Variants in JAM3 observed in about 807,000 individuals in gnomAD.
JAM3 encodes the protein junctional adhesion molecule 3.
In JAM3, 31 loss-of-function variants were observed where a neutral mutation model predicts 39.4. That is an observed-to-expected ratio of 0.79 (90% CI 0.59 to 1.06). JAM3 has a LOEUF of 1.06. JAM3 is among the 50% of genes least tolerant of loss of function. The pLI is 0.00. For missense variants in JAM3, 455 were observed against 391.4 expected (o/e 1.16, Z -1.37); for synonymous variants, 182 against 148.7 (o/e 1.22, Z -1.63).
At chr11:134,092,072 G>A (rs1420420213) in intron 1 of JAM3, among the ~76,000 whole-genome samples, 1 of 151,994 alleles carries the variant, frequency 6.6e-6, no homozygotes, top group Non-Finnish European at 1.5e-5. Flanking sequence ...GAATTCTTTA[G>A]GGGCTTTCTG....
In JAM3 at chr11:134,119,246, G is replaced by A. The variant is rs531083892; in HGVS notation, c.77-20605G>A. The stretch of plus-strand genomic sequence containing the variant: ...TGGCAAGAAGTCTTTGGTGGTTTGG[G>A]TTTGGAAATGATAGAATCAAATAGA... On this transcript the variant is annotated intron_variant, in intron 1 of 8. Coordinates refer to ENST00000299106, the MANE Select transcript of JAM3 (RefSeq NM_032801.5). Among the ~76,000 whole-genome samples the A allele has an allele frequency of 1.4e-3, 208 of 152,186 alleles. 1 individual carries two copies. The highest frequency in any genetic ancestry group is 1.9e-3 in the Non-Finnish European group (126 of 68,008).
Position 134,149,165 on chromosome 11 carries a change from C to T in JAM3, c.917C>T (p.Ser306Leu), listed in dbSNP as rs1323333252. Residue 306 changes from serine to leucine, a missense_variant, in exon 9 of 9, where the codon TCA becomes TTA. Ser to Leu is a moderately radical substitution (Grantham distance 145). Coordinates refer to ENST00000299106, the MANE Select transcript of JAM3 (RefSeq NM_032801.5). ...TTGCAGGGCGACTTCAGACACAAGT[C>T]ATCGTTTGTGATCTGAGACCCGCGG... is the stretch of plus-strand genomic sequence containing the variant. The part of the protein sequence containing the change: ...TDEEGDFRHK[S>L]SFVI 6 of 1,613,898 alleles carry T rather than the reference C, an allele frequency of 3.7e-6. No individual in the cohort carries two copies. Among genetic ancestry groups the T allele is most frequent in the Non-Finnish European group, 5.1e-6 (6 of 1,179,886 alleles).
intron 1 of JAM3, among the ~76,000 whole-genome samples, chr11:134,120,555 A>G (rs12275818): frequency 2.0e-5 from 3 of 152,244 alleles, no homozygotes; most frequent in South Asian, 4.1e-4. Flanking sequence ...CTGCAGTTAA[A>G]TGTTAGTAGC....
At chr11:134,109,321 A>G (rs887538001) in intron 1 of JAM3, among the ~76,000 whole-genome samples, 1 of 152,186 alleles carries the variant, frequency 6.6e-6, no homozygotes, top group African/African-American at 2.4e-5. Context: ...ACCAGGGATG[A>G]AAAAAAGAAC....
intron 3 of JAM3, 64 bp downstream of exon 3, chr11:134,140,834 C>T (rs1031433353): frequency 1.2e-5 from 18 of 1,552,204 alleles, no homozygotes; most frequent in Non-Finnish European, 1.6e-5. Context: ...GGTATACACT[C>T]TTGGCCAGAA....
chr11:134,116,313 C>T (rs1444515039), intron 1 of JAM3, among the ~76,000 whole-genome samples: 1 of 152,100 alleles, frequency 6.6e-6, no homozygotes, highest in African/African-American at 2.4e-5. Flanking sequence ...CTATGGTGTT[C>T]TAATGATTAT....
chr11:134,125,506 C>A (rs201757453), intron 1 of JAM3, among the ~76,000 whole-genome samples: 1 of 152,134 alleles, frequency 6.6e-6, no homozygotes, highest in East Asian at 1.9e-4. Flanking sequence ...TAAGATTATA[C>A]AATAAAGCAA....
chr11:134,076,251 G>A (rs1941568519), intron 1 of JAM3, among the ~76,000 whole-genome samples: 1 of 150,338 alleles, frequency 6.7e-6, no homozygotes, highest in Non-Finnish European at 1.5e-5. Context: ...ACCTCCCGGG[G>A]TCAAGCAATT....
intron 1 of JAM3, among the ~76,000 whole-genome samples, chr11:134,113,353 C>A: frequency 6.6e-6 from 1 of 152,112 alleles, no homozygotes; most frequent in South Asian, 2.1e-4. Context: ...TTCCCCTACC[C>A]CACGACAGGC....
rs1412017589 is a variant in JAM3 at position 134,151,144 on chromosome 11, C to T, written c.*1963C>T. On this transcript the variant is annotated 3_prime_UTR_variant, in exon 9 of 9. Transcript: ENST00000299106. ...CTGGAGAATGGCTCTCACTACTCAC[C>T]TTGTCTTTCAGCTTCCAGTGTCTTG... 4 of 152,308 alleles carry T rather than the reference C, an allele frequency of 2.6e-5. No homozygotes were observed. Among genetic ancestry groups the T allele is most frequent in the Non-Finnish European group, 5.9e-5 (4 of 68,076 alleles). 9.4% of individuals were successfully genotyped at this position (152,308 alleles called of 1,614,324 possible). A position where few individuals can be genotyped will look rare whatever the true frequency, so the allele number is the denominator to read the frequency against.
intron 1 of JAM3, among the ~76,000 whole-genome samples, chr11:134,110,691 A>G (rs886535209): frequency 1.3e-5 from 2 of 150,262 alleles, no homozygotes; most frequent in African/African-American, 5.0e-5. Context: ...AGCATTAGGA[A>G]ACTTTTGAGG....
chr11:134,077,255 C>G (rs1941584920), intron 1 of JAM3, among the ~76,000 whole-genome samples: 1 of 151,990 alleles, frequency 6.6e-6, no homozygotes, highest in Admixed American at 6.6e-5. Context: ...GTGTTGGCCA[C>G]ATACATGTCT....
chr11:134,140,873 G>T, intron 3 of JAM3, 103 bp downstream of exon 3: 1 of 1,414,652 alleles, frequency 7.1e-7, no homozygotes, highest in Non-Finnish European at 9.5e-7. Context: ...ACCTGCATCT[G>T]TAGCTAGGAC....
intron 1 of JAM3, among the ~76,000 whole-genome samples, chr11:134,071,247 T>C (rs1344593496): frequency 6.6e-6 from 1 of 152,230 alleles, no homozygotes; most frequent in East Asian, 1.9e-4. Flanking sequence ...TAAGAAGTCG[T>C]TACTATTGTT....
At chr11:134,070,281 A>G (rs1176925432) in intron 1 of JAM3, 2 of 451,920 alleles carry the variant, frequency 4.4e-6, no homozygotes, top group African/African-American at 4.0e-5. Context: ...ATCCGCAGGT[A>G]ACCAGACCAG....
intron 1 of JAM3, among the ~76,000 whole-genome samples, chr11:134,084,185 T>C (rs1941710335): frequency 6.6e-6 from 1 of 152,212 alleles, no homozygotes; most frequent in Admixed American, 6.5e-5. Context: ...CAAATGCAGG[T>C]CATGATCTTG....
chr11:134,106,282 C>G (rs1431766423), intron 1 of JAM3, among the ~76,000 whole-genome samples: 3 of 152,018 alleles, frequency 2.0e-5, no homozygotes, highest in Admixed American at 2.0e-4. Context: ...GCTGGGAAAA[C>G]TGGCTAGCCA....
chr11:134,124,247 G>T, intron 1 of JAM3: 1 of 1,149,332 alleles, frequency 8.7e-7, no homozygotes, highest in Non-Finnish European at 1.3e-6. Context: ...GGAACTCGTT[G>T]AGAGTAGCAC....
intron 3 of JAM3, among the ~76,000 whole-genome samples, chr11:134,142,955 A>G (rs1281921542): frequency 6.6e-6 from 1 of 152,144 alleles, no homozygotes. Context: ...CGGCTGAATA[A>G]TGTTCCATTG....
Sources: gnomAD v4.1 joint callset for allele counts (sites outside exome capture counted in the v4.1 genomes callset) on GRCh38, gnomAD v4.1.1 for gene constraint, MANE v1.5 for transcripts, NCBI Gene and HGNC (gene_info 2026-07-23, HGNC 2026-07-21) for gene names.